Variants in IGSF9B observed in about 807,000 individuals in gnomAD.
IGSF9B encodes immunoglobulin superfamily member 9B.
Under a neutral mutation model 143.7 loss-of-function variants are expected in IGSF9B, and 48 were observed. The ratio of observed to expected loss-of-function variants is 0.33; its 90% confidence interval spans 0.26 to 0.42. The LOEUF is 0.42. Ranked by LOEUF, IGSF9B falls within the 20% of genes least tolerant of loss-of-function variation. The probability of loss-of-function intolerance (pLI) is 1.00; values close to 1 mark genes in which losing one functional copy is unlikely to be tolerated. For missense variants in IGSF9B, 1,706 were observed against 1,980.0 expected (o/e 0.86, Z 2.63); for synonymous variants, 903 against 833.1 (o/e 1.08, Z -1.44).
In IGSF9B at chr11:133,901,432, CTTTATA is replaced by C. The variant is rs1939116838; in HGVS notation, c.*7631_*7636del. The C allele has an allele frequency of 6.6e-6, 1 of 152,108 alleles. No homozygotes were observed. 9.4% of individuals were successfully genotyped at this position (152,108 alleles called of 1,614,324 possible). The stretch of plus-strand genomic sequence containing the variant: ...GATATATAGACTTTATCTAGGTGTT[CTTTATA>C]TTTATATATGTGTGCAGAGGGCACG... On this transcript the variant is annotated 3_prime_UTR_variant, in exon 20 of 20. Coordinates refer to ENST00000533871, the MANE Select transcript of IGSF9B (RefSeq NM_001277285.4).
rs1420509363 is a variant in IGSF9B, at chr11:133,936,175, G to C, written c.699C>G (p.Ser233=). The C allele has an allele frequency of 1.2e-6, 2 of 1,611,264 alleles. No individual in the cohort carries two copies. The highest frequency in any genetic ancestry group is 1.7e-6 in the Non-Finnish European group (2 of 1,178,852). ...LLVQGPPFIV[S]PPENITVNIS... ...TGTTGACGGTGATGTTCTCAGGAGG[G>C]GAGACGATGAAAGGGGGCCCTGGGG... The change falls in exon 6 of 20, where the codon TCC becomes TCG. Residue 233 remains serine, a synonymous_variant. Transcript: ENST00000533871.
At position 133,931,843 on chromosome 11, in the gene IGSF9B, C is replaced by A. The variant is rs369781998; in HGVS notation, c.1111-48G>T. 113 of 1,598,464 alleles carry A rather than the reference C, an allele frequency of 7.1e-5. 3 individuals carry two copies. The South Asian group carries it at 1.3e-3, about 18-fold the overall frequency. On this transcript the variant is annotated intron_variant, in intron 8 of 19. Coordinates refer to ENST00000533871, the MANE Select transcript of IGSF9B (RefSeq NM_001277285.4). The surrounding 1 kb of genome is among the most constrained non-coding windows in gnomAD (Gnocchi z 7.7). ...CAGGGAACGCTGGTCAGAGACTCCGCGCTCCATCCCAGGCTGGGTCCCAGC... is the reference window on the plus strand; with the variant it reads ...CAGGGAACGCTGGTCAGAGACTCCGAGCTCCATCCCAGGCTGGGTCCCAGC...
chr11:133,917,383 G>A (rs1322009471), intron 18 of IGSF9B, among the ~76,000 whole-genome samples: 1 of 152,072 alleles, frequency 6.6e-6, no homozygotes, highest in Admixed American at 6.5e-5. Context: ...GGGGGCAGGG[G>A]GAGGGACACA....
intron 1 of IGSF9B, among the ~76,000 whole-genome samples, 173 bp downstream of exon 1, chr11:133,956,518 C>T (rs900382297): frequency 7.8e-5 from 3 of 38,668 alleles, no homozygotes; most frequent in African/African-American, 3.4e-4. Context: ...AGGCCCTCCC[C>T]GGCAATGCTC....
At position 133,896,443 on chromosome 11, in the gene IGSF9B, T is replaced by A. The variant is rs981315403; in HGVS notation, c.*12626A>T. ...AAAAAAATTAGAAAATGAACTTTTT[T>A]AGCAAATGTTTATTTATATCAAAAT... On this transcript the variant is annotated 3_prime_UTR_variant, in exon 20 of 20. Coordinates refer to ENST00000533871, the MANE Select transcript of IGSF9B (RefSeq NM_001277285.4). 2.6e-5 allele frequency: 4 copies of A among 152,208 alleles called. No homozygotes were observed. Among genetic ancestry groups the A allele is most frequent in the East Asian group, 1.9e-4 (1 of 5,192 alleles). 9.4% of individuals were successfully genotyped at this position (152,208 alleles called of 1,614,324 possible). A position where few individuals can be genotyped will look rare whatever the true frequency, so the allele number is the denominator to read the frequency against.
rs368518534 is a variant in IGSF9B, at chr11:133,931,498, G to A, written c.1323C>T (p.Pro441=). 2 of 1,613,322 alleles carry A rather than the reference G, an allele frequency of 1.2e-6. No homozygotes were observed. Among genetic ancestry groups the A allele is most frequent in the Non-Finnish European group, 1.7e-6 (2 of 1,179,826 alleles). The change falls in exon 10 of 20, where the codon CCC becomes CCT. Residue 441 remains proline, a synonymous_variant. Coordinates refer to ENST00000533871, the MANE Select transcript of IGSF9B (RefSeq NM_001277285.4). This position sits in a 1 kb window ranked among gnomAD's most constrained non-coding sequence, Gnocchi z 7.7. ...RQEAGRELLI[P]CAAAGDPFPV... The stretch of plus-strand genomic sequence containing the variant: ...GAAAGGGGTCCCCTGCGGCAGCACA[G>A]GGGATAAGTAGCTCCCGGCCGGCCT...
At chr11:133,935,238 A>G (rs1030863152) in intron 7 of IGSF9B, among the ~76,000 whole-genome samples, 1 of 152,236 alleles carries the variant, frequency 6.6e-6, no homozygotes, top group African/African-American at 2.4e-5. Context: ...GGCCTGGGCT[A>G]TGCTCCATAA....
In IGSF9B at chr11:133,931,331, G is replaced by T. The variant is rs1397231950; in HGVS notation, c.1368+122C>A. 10 of 847,630 alleles carry T rather than the reference G, an allele frequency of 1.2e-5. No homozygotes were observed. The highest frequency in any genetic ancestry group is 1.9e-5 in the Non-Finnish European group (10 of 539,714). The allele number at this position is 847,630 out of a possible 1,614,324, so 52.5% of individuals were successfully genotyped here. A position where few individuals can be genotyped will look rare whatever the true frequency, so the allele number is the denominator to read the frequency against. ...GGGCAGGTCCAGAATAGAACTGCTC[G>T]CTGGGCCCTCACACCTCCCCTCAGC... is the stretch of plus-strand genomic sequence containing the variant. On this transcript the variant is annotated intron_variant, in intron 10 of 19. Transcript: ENST00000533871. The surrounding 1 kb of genome is among the most constrained non-coding windows in gnomAD (Gnocchi z 7.7).
intron 18 of IGSF9B, chr11:133,912,442 C>T (rs1490973010): frequency 2.2e-6 from 1 of 445,466 alleles, no homozygotes; most frequent in Admixed American, 2.4e-5. Context: ...GCTCCCATCC[C>T]AGTGAATCAT....
intron 18 of IGSF9B, among the ~76,000 whole-genome samples, chr11:133,915,201 T>C (rs371225906): frequency 4.0e-5 from 6 of 151,810 alleles, no homozygotes; most frequent in African/African-American, 1.4e-4. Flanking sequence ...CTCAAAGCCT[T>C]GGCACAGAGG....
rs766372098 is a variant in IGSF9B, at chr11:133,919,731, G to A, written c.3983+11C>T. On this transcript the variant is annotated intron_variant, in intron 18 of 19. Coordinates refer to ENST00000533871, the MANE Select transcript of IGSF9B (RefSeq NM_001277285.4). ...CCCAGGTGCGGGTGGCGGAAGAGGC[G>A]GCGCACTCACCCTGAAGTAGGTAAC... The A allele has an allele frequency of 1.4e-5, 19 of 1,402,152 alleles. No individual in the cohort carries two copies. The highest frequency in any genetic ancestry group is 1.7e-5 in the Non-Finnish European group (18 of 1,070,648). 86.9% of individuals were successfully genotyped at this position (1,402,152 alleles called of 1,614,324 possible).
At position 133,915,382 on chromosome 11, in the gene IGSF9B, C is replaced by T. The variant is rs369114905; in HGVS notation, c.3984-3375G>A. 1.3e-4 allele frequency among the ~76,000 whole-genome samples: 20 copies of T among 151,252 alleles called. No individual in the cohort carries two copies. In the South Asian group the frequency reaches 4.2e-3, roughly 32 times the overall value. On this transcript the variant is annotated intron_variant, in intron 18 of 19. Coordinates refer to ENST00000533871, the MANE Select transcript of IGSF9B (RefSeq NM_001277285.4). Reference sequence around the variant, plus strand: ...CTCCCCAGCTCAGATGATCTTCCCACCTCAGCCCCCCAAGGAGCTGGGACT... The same window carrying T: ...CTCCCCAGCTCAGATGATCTTCCCATCTCAGCCCCCCAAGGAGCTGGGACT...
chr11:133,923,134 T>C (rs531188068), intron 15 of IGSF9B, among the ~76,000 whole-genome samples: 69 of 152,342 alleles, frequency 4.5e-4, no homozygotes, highest in African/African-American at 1.5e-3. Context: ...TCTGATCCAC[T>C]GGGTTAGAGA....
rs565350717 is a variant in IGSF9B, at chr11:133,944,082, G to A, written c.409+138C>T. 3.8e-4 allele frequency: 360 copies of A among 941,406 alleles called. 2 individuals carry two copies. In the African/African-American group the frequency reaches 5.6e-3, roughly 15 times the overall value. The allele number at this position is 941,406 out of a possible 1,614,324, so 58.3% of individuals were successfully genotyped here. On this transcript the variant is annotated intron_variant, in intron 3 of 19. Transcript: ENST00000533871. ...TGCAGGAGTGAGCTGATGTCTCATGGGACCACAGCAACAAGGAGGGGGGCA... is the reference window on the plus strand; with the variant it reads ...TGCAGGAGTGAGCTGATGTCTCATGAGACCACAGCAACAAGGAGGGGGGCA...
chr11:133,912,005 G>A lies in IGSF9B; in HGVS notation c.3986C>T (p.Thr1329Ile). Residue 1329 changes from threonine (T) to isoleucine (I), a missense_variant and splice_region_variant, in exon 19 of 20, where the codon ACA becomes ATA. Physicochemically the swap from Thr to Ile is moderately conservative, Grantham distance 89. Around this residue, in one of 7 missense-constraint regions of IGSF9B, gnomAD observed 880 missense variants for 762.9 expected, o/e 1.15. Transcript: ENST00000533871. ...AGCGTTCCCGGGTGCAGGTGGAAGT[G>A]TTCTGGAAAGGACAACCAGAGAGCC... ...TPPPTLPTSG[T>I]LPPAPGNAAA... 2 of 1,522,268 alleles carry A rather than the reference G, an allele frequency of 1.3e-6. No homozygotes were observed. Among genetic ancestry groups the A allele is most frequent in the Non-Finnish European group, 1.8e-6 (2 of 1,142,810 alleles). 94.3% of individuals were successfully genotyped at this position (1,522,268 alleles called of 1,614,324 possible). A position where few individuals can be genotyped will look rare whatever the true frequency, so the allele number is the denominator to read the frequency against.
intron 18 of IGSF9B, among the ~76,000 whole-genome samples, chr11:133,918,800 G>A (rs889175878): frequency 1.8e-4 from 22 of 120,592 alleles, no homozygotes; most frequent in Non-Finnish European, 4.1e-4. Flanking sequence ...AAAGGACGGA[G>A]CCAGAGAGAG....
At chr11:133,930,271 G>A (rs1307367453) in intron 11 of IGSF9B, among the ~76,000 whole-genome samples, 2 of 152,150 alleles carry the variant, frequency 1.3e-5, no homozygotes, top group South Asian at 2.1e-4. Context: ...ACTTCTTAGC[G>A]ATGTGACGCC....
chr11:133,948,455 C>G lies in IGSF9B; in HGVS notation c.65-2197G>C, dbSNP rs1215708202. Among the ~76,000 whole-genome samples the G allele has an allele frequency of 6.6e-6, 1 of 152,190 alleles. No homozygotes were observed. Among genetic ancestry groups the G allele is most frequent in the Non-Finnish European group, 1.5e-5 (1 of 68,030 alleles). On this transcript the variant is annotated intron_variant, in intron 1 of 19. Coordinates refer to ENST00000533871, the MANE Select transcript of IGSF9B (RefSeq NM_001277285.4). This position sits in a 1 kb window ranked among gnomAD's most constrained non-coding sequence, Gnocchi z 4.7. ...TTCAGGCTAAGTTTGCAACCCAGCC[C>G]CTCAGGGAAAGCAGGGAGAGTGCCC... is the stretch of plus-strand genomic sequence containing the variant.
chr11:133,921,957 T>G (rs1682981902), intron 17 of IGSF9B, among the ~76,000 whole-genome samples: 1 of 152,110 alleles, frequency 6.6e-6, no homozygotes, highest in South Asian at 2.1e-4. Flanking sequence ...GCACTGCCAC[T>G]CCCTCTACCA....
Sources: gnomAD v4.1 joint callset for allele counts (sites outside exome capture counted in the v4.1 genomes callset) on GRCh38, gnomAD v4.1.1 for gene constraint, gnomAD v4.1.1 regional missense constraint, Gnocchi (gnomAD v3.1) non-coding constraint, MANE v1.5 for transcripts, NCBI Gene and HGNC (gene_info 2026-07-23, HGNC 2026-07-21) for gene names.